ERCC4: variants seen among roughly 807,000 people sequenced by gnomAD.
ERCC4 encodes DNA repair endonuclease XPF.
ERCC4 carries 65 observed loss-of-function variants against 76.9 expected under a neutral mutation model. The observed-to-expected ratio is 0.84, with a 90% CI of 0.69 to 1.04. The LOEUF (loss-of-function observed/expected upper bound fraction) is 1.04. Among genes scored for constraint, ERCC4 ranks in the 50% least tolerant of loss-of-function variants. ERCC4 has a pLI of 0.00. For synonymous variants in ERCC4, 463 were observed against 410.1 expected (o/e 1.13, Z -1.56); for missense variants, 1,214 against 1,128.2 (o/e 1.08, Z -1.09).
chr16:13,938,472 C>T (rs2032349540), intron 9 of ERCC4, among the ~76,000 whole-genome samples: 1 of 152,208 alleles, frequency 6.6e-6, no homozygotes, highest in South Asian at 2.1e-4. Context: ...TGGTTGGCTA[C>T]CTCTTGCCCT....
intron 10 of ERCC4, among the ~76,000 whole-genome samples, chr16:13,946,893 T>C (rs1277578537): frequency 6.6e-6 from 1 of 152,152 alleles, no homozygotes; most frequent in African/African-American, 2.4e-5. Flanking sequence ...CCCGAGTAGC[T>C]GGGATTACAG....
At chr16:13,933,149 G>T (rs1210179989) in intron 6 of ERCC4, 1 of 312,860 alleles carries the variant, frequency 3.2e-6, no homozygotes, top group Non-Finnish European at 6.3e-6. Flanking sequence ...GAGCCCAGGA[G>T]TTGAAGGTGA....
Position 13,932,154 on chromosome 16 carries a change from T to C in ERCC4, c.974-3T>C. On this transcript the variant is annotated splice_region_variant and splice_polypyrimidine_tract_variant and intron_variant, in intron 5 of 10. Coordinates refer to ENST00000311895, the MANE Select transcript of ERCC4 (RefSeq NM_005236.3). ...CACTTTTTCTTTTAACTTTTCGTATTAGGTTGGCTGTTTCTTGACTCCAGC... is the reference window on the plus strand; with the variant it reads ...CACTTTTTCTTTTAACTTTTCGTATCAGGTTGGCTGTTTCTTGACTCCAGC... 3 of 1,612,916 alleles carry C rather than the reference T, an allele frequency of 1.9e-6. No homozygotes were observed. The highest frequency in any genetic ancestry group is 2.5e-6 in the Non-Finnish European group (3 of 1,179,024).
In ERCC4 at chr16:13,947,790, T is replaced by A. The variant is rs1395574039; in HGVS notation, c.2194T>A (p.Leu732Ile). 6.2e-7 allele frequency: 1 copy of A among 1,614,234 alleles called. No individual in the cohort carries two copies. Among genetic ancestry groups the A allele is most frequent in the Admixed American group, 1.7e-5 (1 of 60,024 alleles). Residue 732 changes from leucine (L) to isoleucine (I), a missense_variant, in exon 11 of 11, where the codon TTA (leucine) becomes ATA (isoleucine). Transcript: ENST00000311895. ...CGTGGAGCGCAAGAGTATCAGTGAT[T>A]TAATCGGCTCTTTAAATAACGGCCG... ...MCVERKSISD[L>I]IGSLNNGRLY...
Position 13,951,905 on chromosome 16 carries a change from T to C in ERCC4, c.*3558T>C. On this transcript the variant is annotated 3_prime_UTR_variant, in exon 11 of 11. Transcript: ENST00000311895. ...CCAACATTTTAGGAAAGTTCTTTTT[T>C]CAGGATGGAGTATATTAAAATTAAG... 1 of 217,094 alleles carries C rather than the reference T, an allele frequency of 4.6e-6. No homozygotes were observed. Among genetic ancestry groups the C allele is most frequent in the Non-Finnish European group, 9.3e-6 (1 of 107,952 alleles). 13.4% of individuals were successfully genotyped at this position (217,094 alleles called of 1,614,324 possible).
chr16:13,941,703 C>T (rs947404727), intron 9 of ERCC4, among the ~76,000 whole-genome samples: 2 of 152,132 alleles, frequency 1.3e-5, no homozygotes, highest in Non-Finnish European at 2.9e-5. Context: ...GTAAAATGCT[C>T]CCTGGGTAGA....
At chr16:13,922,797 A>G (rs918004822) in intron 2 of ERCC4, 1 of 198,514 alleles carries the variant, frequency 5.0e-6, no homozygotes, top group African/African-American at 2.4e-5. Flanking sequence ...GTTCAACATT[A>G]TGCTTCCAAC....
Position 13,920,395 on chromosome 16 carries a change from G to GT in ERCC4, c.207+24dup, listed in dbSNP as rs971040208. The GT allele has an allele frequency of 5.8e-6, 9 of 1,543,092 alleles. No individual in the cohort carries two copies. The Admixed American group carries it at 1.5e-4, about 26-fold the overall frequency. On this transcript the variant is annotated intron_variant, in intron 1 of 10. Coordinates refer to ENST00000311895, the MANE Select transcript of ERCC4 (RefSeq NM_005236.3). Reference sequence around the variant, plus strand: ...GAGGTGCGGCCGCGCTGGCGCGGGAGTGAGGGGACTCCGAGAGTGTTGAGG... The same window carrying GT: ...GAGGTGCGGCCGCGCTGGCGCGGGAGTTGAGGGGACTCCGAGAGTGTTGAGG...
At chr16:13,940,711 A>G (rs923230260) in intron 9 of ERCC4, among the ~76,000 whole-genome samples, 1 of 152,196 alleles carries the variant, frequency 6.6e-6, no homozygotes, top group African/African-American at 2.4e-5. Flanking sequence ...AGCATAAACT[A>G]TCTGATCCAG....
At chr16:13,931,115 G>A (rs932922302) in intron 5 of ERCC4, 35 of 536,360 alleles carry the variant, frequency 6.5e-5, no homozygotes, top group South Asian at 2.5e-4. Flanking sequence ...TATCCGTTCC[G>A]GGCAATTTTA....
chr16:13,932,702 G>A (rs113393518), intron 6 of ERCC4: 9 of 228,278 alleles, frequency 3.9e-5, no homozygotes, highest in East Asian at 2.4e-4. Context: ...GCTTGAGCCC[G>A]GGAGTTCAAG....
intron 8 of ERCC4, among the ~76,000 whole-genome samples, chr16:13,936,061 A>T (rs930124717): frequency 1.3e-5 from 2 of 152,198 alleles, no homozygotes; most frequent in Non-Finnish European, 2.9e-5. Flanking sequence ...TAATATTCTA[A>T]TTTCTAACAA....
Position 13,947,645 on chromosome 16 carries a change from C to T in ERCC4, c.2049C>T (p.Ser683=). The change falls in exon 11 of 11, where the codon AGC becomes AGT. Residue 683 remains serine (S), a synonymous_variant. Coordinates refer to ENST00000311895, the MANE Select transcript of ERCC4 (RefSeq NM_005236.3). The part of the protein sequence containing the change: ...GGQEQNGTQQ[S]IVVDMREFRS... Reference sequence around the variant, plus strand: ...AGGAACAGAATGGTACACAGCAAAGCATAGTTGTGGATATGCGTGAATTTC... The same window carrying T: ...AGGAACAGAATGGTACACAGCAAAGTATAGTTGTGGATATGCGTGAATTTC... 2 of 1,614,194 alleles carry T rather than the reference C, an allele frequency of 1.2e-6. No individual in the cohort carries two copies. Among genetic ancestry groups the T allele is most frequent in the Non-Finnish European group, 8.5e-7 (1 of 1,180,020 alleles).
At position 13,951,674 on chromosome 16, in the gene ERCC4, A is replaced by G. The variant is rs535056033; in HGVS notation, c.*3327A>G. On this transcript the variant is annotated 3_prime_UTR_variant, in exon 11 of 11. Coordinates refer to ENST00000311895, the MANE Select transcript of ERCC4 (RefSeq NM_005236.3). ...TAAGTCTAGATTTGGTCGCATTGAA[A>G]CCCCACAATATAGAATTAATAAATG... is the stretch of plus-strand genomic sequence containing the variant. 2.2e-3 allele frequency: 489 copies of G among 218,702 alleles called. 8 individuals carry two copies. The South Asian group carries it at 0.038, about 17-fold the overall frequency. The allele number at this position is 218,702 out of a possible 1,614,324, so 13.5% of individuals were successfully genotyped here.
At position 13,920,322 on chromosome 16, in the gene ERCC4, T is replaced by C; in HGVS notation, c.157T>C (p.Cys53Arg). 2 of 1,600,822 alleles carry C rather than the reference T, an allele frequency of 1.2e-6. No homozygotes were observed. Among genetic ancestry groups the C allele is most frequent in the Non-Finnish European group, 1.7e-6 (2 of 1,179,242 alleles). The change falls in exon 1 of 11, where the codon TGC becomes CGC. Residue 53 changes from cysteine (C) to arginine (R), a missense_variant. Transcript: ENST00000311895. ...CCTCTACCACTTTCTCCAGCTGCACTGCCACCCAGCCTGCCTGGTGCTGGT... is the reference window on the plus strand; with the variant it reads ...CCTCTACCACTTTCTCCAGCTGCACCGCCACCCAGCCTGCCTGGTGCTGGT... The part of the protein sequence containing the change: ...RLLYHFLQLH[C>R]HPACLVLVLN...
At position 13,935,573 on chromosome 16, in the gene ERCC4, G is replaced by C; in HGVS notation, c.1641G>C (p.Leu547=). ...CATCGGATGCTGCTTTCGGAATCCT[G>C]AAAGAACCCCTCACTATCATCCATC... The part of the protein sequence containing the change: ...NLSSDAAFGI[L]KEPLTIIHPL... The change falls in exon 8 of 11, where the codon CTG becomes CTC. Residue 547 remains leucine, a synonymous_variant. Transcript: ENST00000311895. The C allele has an allele frequency of 6.2e-7, 1 of 1,614,180 alleles. No homozygotes were observed. The highest frequency in any genetic ancestry group is 8.5e-7 in the Non-Finnish European group (1 of 1,180,034).
At chr16:13,937,651 A>G (rs1031813910) in intron 8 of ERCC4, 115 bp from the exon 9 acceptor site, 3 of 734,438 alleles carry the variant, frequency 4.1e-6, no homozygotes, top group African/African-American at 1.8e-5. Context: ...TTTGATTCTT[A>G]GTCAAATATT....
At position 13,935,205 on chromosome 16, in the gene ERCC4, A is replaced by G. The variant is rs2032259124; in HGVS notation, c.1273A>G (p.Thr425Ala). 6.2e-7 allele frequency: 1 copy of G among 1,613,896 alleles called. No individual in the cohort carries two copies. Among genetic ancestry groups the G allele is most frequent in the Admixed American group, 1.7e-5 (1 of 59,994 alleles). Reference sequence around the variant, plus strand: ...ATGTTCCCAGCTGAGAGACTATATCACTCTTGGAGCGGAGGCCTTCTTATT... The same window carrying G: ...ATGTTCCCAGCTGAGAGACTATATCGCTCTTGGAGCGGAGGCCTTCTTATT... ...RTCSQLRDYI[T>A]LGAEAFLLRL... Residue 425 changes from threonine to alanine, a missense_variant, in exon 8 of 11, where the codon ACT (threonine) becomes GCT (alanine). Thr to Ala is a moderately conservative substitution (Grantham distance 58). Coordinates refer to ENST00000311895, the MANE Select transcript of ERCC4 (RefSeq NM_005236.3).
intron 4 of ERCC4, among the ~76,000 whole-genome samples, chr16:13,929,874 T>C (rs540007612): frequency 8.5e-5 from 13 of 152,140 alleles, no homozygotes; most frequent in African/African-American, 2.6e-4. Context: ...TGAGGCAGGA[T>C]AATGGCACGA....
Sources: gnomAD v4.1 joint callset for allele counts (sites outside exome capture counted in the v4.1 genomes callset) on GRCh38, gnomAD v4.1.1 for gene constraint, MANE v1.5 for transcripts, NCBI Gene and HGNC (gene_info 2026-07-23, HGNC 2026-07-21) for gene names.